The following MAP2K1 variants were observed in gnomAD, a reference collection of about 807,000 sequenced individuals.
MAP2K1 encodes dual specificity mitogen-activated protein kinase kinase 1.
In MAP2K1, 16 loss-of-function variants were observed where a neutral mutation model predicts 46.3. That is an observed-to-expected ratio of 0.35 (90% CI 0.23 to 0.52). The LOEUF (loss-of-function observed/expected upper bound fraction) is 0.52, where lower values mean the gene tolerates loss of function less well. MAP2K1 is among the 20% of genes least tolerant of loss of function. MAP2K1 has a pLI of 0.94. For missense variants in MAP2K1, 263 were observed against 497.1 expected, an observed-to-expected ratio of 0.53 and a Z score of 4.48; for synonymous variants, 183 against 185.6, an observed-to-expected ratio of 0.99 and a Z score of 0.11.
chr15:66,468,573 G>T (rs535863991), intron 5 of MAP2K1, among the ~76,000 whole-genome samples: 1 of 152,266 alleles, frequency 6.6e-6, no homozygotes, highest in South Asian at 2.1e-4. Context: ...TCTGAGTTCT[G>T]AGTAGAGCCC....
At chr15:66,428,287 T>C (rs1309904848) in intron 1 of MAP2K1, among the ~76,000 whole-genome samples, 6 of 118,468 alleles carry the variant, frequency 5.1e-5, no homozygotes, top group East Asian at 2.1e-4. Flanking sequence ...TGTGTGTGTG[T>C]GTGTGTGTGT....
chr15:66,401,121 A>G (rs2093380706), intron 1 of MAP2K1, among the ~76,000 whole-genome samples: 1 of 152,160 alleles, frequency 6.6e-6, no homozygotes. Context: ...GTAGAGTTTG[A>G]TAGGATCTGG....
chr15:66,399,613 C>T (rs1188894876), intron 1 of MAP2K1, among the ~76,000 whole-genome samples: 1 of 152,014 alleles, frequency 6.6e-6, no homozygotes, highest in Non-Finnish European at 1.5e-5. Context: ...TGCCAATACA[C>T]CCAGCTATTT....
At chr15:66,394,687 G>A (rs2093363677) in intron 1 of MAP2K1, among the ~76,000 whole-genome samples, 1 of 152,130 alleles carries the variant, frequency 6.6e-6, no homozygotes, top group African/African-American at 2.4e-5. Context: ...CTTGCCTCAT[G>A]CAATCCTCCC....
At chr15:66,442,865 GAT>G (rs2140596789) in intron 3 of MAP2K1, among the ~76,000 whole-genome samples, 1 of 152,250 alleles carries the variant, frequency 6.6e-6, no homozygotes, top group South Asian at 2.1e-4. Flanking sequence ...TAATTTGCTG[GAT>G]TGGCACACAG....
At chr15:66,464,160 C>T (rs1299322030) in intron 5 of MAP2K1, among the ~76,000 whole-genome samples, 1 of 152,162 alleles carries the variant, frequency 6.6e-6, no homozygotes, top group Non-Finnish European at 1.5e-5. Flanking sequence ...AATCTTTCGT[C>T]TCAGGTTTCA....
chr15:66,405,017 G>A (rs1453707502), intron 1 of MAP2K1, among the ~76,000 whole-genome samples: 2 of 152,154 alleles, frequency 1.3e-5, no homozygotes, highest in Admixed American at 6.5e-5. Flanking sequence ...AGAGGACATC[G>A]CAACTGGAAA....
chr15:66,453,922 C>T (rs551121299), intron 5 of MAP2K1, among the ~76,000 whole-genome samples: 1 of 152,312 alleles, frequency 6.6e-6, no homozygotes, highest in East Asian at 1.9e-4. Flanking sequence ...CCTCAGCCTC[C>T]TGAAGTGCTG....
intron 5 of MAP2K1, chr15:66,444,950 G>A: frequency 1.9e-6 from 1 of 520,656 alleles, no homozygotes; most frequent in Non-Finnish European, 3.5e-6. Flanking sequence ...TGGAAGCCCA[G>A]CTAAGAGCCT....
chr15:66,488,064 A>C (rs1043168834), intron 8 of MAP2K1, among the ~76,000 whole-genome samples: 10 of 150,368 alleles, frequency 6.7e-5, no homozygotes, highest in Non-Finnish European at 1.2e-4. Context: ...CTTCCTTGCC[A>C]CCTCCCACCT....
intron 3 of MAP2K1, among the ~76,000 whole-genome samples, chr15:66,442,033 C>T (rs1293214515): frequency 6.6e-6 from 1 of 152,188 alleles, no homozygotes; most frequent in African/African-American, 2.4e-5. Context: ...TTAACGGGAG[C>T]CCCTGGTATG....
chr15:66,411,350 GA>G (rs1468718812), intron 1 of MAP2K1, among the ~76,000 whole-genome samples: 1 of 152,152 alleles, frequency 6.6e-6, no homozygotes, highest in African/African-American at 2.4e-5. Context: ...GCTCCTCTCA[GA>G]ATAGCCCAGG....
intron 1 of MAP2K1, among the ~76,000 whole-genome samples, chr15:66,411,986 A>C (rs1046765288): frequency 4.6e-5 from 7 of 152,222 alleles, no homozygotes; most frequent in Admixed American, 3.3e-4. Flanking sequence ...TCTGACTTCA[A>C]GTTCAGGGTT....
chr15:66,397,444 C>T (rs1255734003), intron 1 of MAP2K1, among the ~76,000 whole-genome samples: 4 of 152,094 alleles, frequency 2.6e-5, no homozygotes, highest in African/African-American at 4.8e-5. Flanking sequence ...ATAACATACA[C>T]GGAAGCACTT....
chr15:66,433,365 G>A (rs902566743), intron 1 of MAP2K1, among the ~76,000 whole-genome samples: 4 of 152,226 alleles, frequency 2.6e-5, no homozygotes, highest in African/African-American at 9.6e-5. Context: ...TCTGGAGGCT[G>A]AAAGTCTAAG....
intron 5 of MAP2K1, among the ~76,000 whole-genome samples, chr15:66,455,251 T>C (rs1249280126): frequency 6.6e-6 from 1 of 152,168 alleles, no homozygotes; most frequent in African/African-American, 2.4e-5. Context: ...TGAAAGTGAT[T>C]TCTGAGTGTG....
At chr15:66,478,341 T>C (rs1419696357) in intron 5 of MAP2K1, among the ~76,000 whole-genome samples, 7 of 143,962 alleles carry the variant, frequency 4.9e-5, no homozygotes, top group African/African-American at 1.3e-4. Flanking sequence ...TATACACACA[T>C]ATATGTTAAA....
chr15:66,486,700 A>T lies in MAP2K1; in HGVS notation c.896-528A>T, dbSNP rs73471753. 8.6e-3 allele frequency among the ~76,000 whole-genome samples: 1,311 copies of T among 152,250 alleles called. 28 individuals carry two copies. The highest frequency in any genetic ancestry group is 0.03 in the African/African-American group (1,250 of 41,518). The stretch of plus-strand genomic sequence containing the variant: ...TTATGTAGCTCCTGTCTGGCCAGGG[A>T]TACCTGCCCTGTACCTCCATGAGGT... On this transcript the variant is annotated intron_variant, in intron 7 of 10. Transcript: ENST00000307102.
chr15:66,387,187 C>G lies in MAP2K1; in HGVS notation c.-161C>G. 2 of 527,360 alleles carry G rather than the reference C, an allele frequency of 3.8e-6. 1 individual carries two copies. The highest frequency in any genetic ancestry group is 6.4e-5 in the South Asian group (2 of 31,356). 32.7% of individuals were successfully genotyped at this position (527,360 alleles called of 1,614,324 possible). On this transcript the variant is annotated 5_prime_UTR_variant, in exon 1 of 11. Transcript: ENST00000307102. ...GGTCCACTGAGACCGCTACCGGCCC[C>G]TCGGCGCTGACGGGACCGCGCGGGG...
Sources: allele counts gnomAD v4.1 joint callset (sites outside exome capture counted in the v4.1 genomes callset), GRCh38; gene constraint gnomAD v4.1.1; transcripts MANE v1.5; gene names NCBI Gene and HGNC (gene_info 2026-07-23, HGNC 2026-07-21).